KCNQ1: variants seen among roughly 807,000 people sequenced by gnomAD.
KCNQ1 encodes potassium voltage-gated channel subfamily KQT member 1.
Under a neutral mutation model 72.4 loss-of-function variants are expected in KCNQ1, and 49 were observed. The observed-to-expected ratio is 0.68, with a 90% CI of 0.54 to 0.86. The LOEUF (loss-of-function observed/expected upper bound fraction) is 0.86. Among genes scored for constraint, KCNQ1 ranks in the 40% least tolerant of loss-of-function variants. The pLI, the probability that KCNQ1 is intolerant of heterozygous loss-of-function variation, is 0.00. For synonymous variants in KCNQ1, 450 were observed against 412.6 expected, an observed-to-expected ratio of 1.09 and a Z score of -1.10; for missense variants, 790 against 945.1, an observed-to-expected ratio of 0.84 and a Z score of 2.15.
At position 2,715,412 on chromosome 11, in the gene KCNQ1, C is replaced by G. The variant is rs531142906; in HGVS notation, c.1514+53331C>G. Among the ~76,000 whole-genome samples, 55 of 152,220 alleles carry G rather than the reference C, an allele frequency of 3.6e-4. 1 individual carries two copies. In the South Asian group the frequency reaches 9.5e-3, roughly 26 times the overall value. On this transcript the variant is annotated intron_variant, in intron 11 of 15. Coordinates refer to ENST00000155840, the MANE Select transcript of KCNQ1 (RefSeq NM_000218.3). The surrounding 1 kb of genome is among the most constrained non-coding windows in gnomAD (Gnocchi z 4.9). The stretch of plus-strand genomic sequence containing the variant: ...GGGGGCTTTGCAGATTACCCAGACC[C>G]TTTGTTGGCCAGTGTGGGAATGGGG...
intron 11 of KCNQ1, among the ~76,000 whole-genome samples, chr11:2,701,395 C>T (rs1850811775): frequency 6.6e-6 from 1 of 152,180 alleles, no homozygotes; most frequent in Admixed American, 6.5e-5. Flanking sequence ...CCTGTCCCTT[C>T]GCACTGGCCC....
At chr11:2,702,107 C>T (rs1406252689) in intron 11 of KCNQ1, among the ~76,000 whole-genome samples, 1 of 152,230 alleles carries the variant, frequency 6.6e-6, no homozygotes, top group African/African-American at 2.4e-5. Flanking sequence ...GAATCCTCCC[C>T]TGATCACCCT....
intron 1 of KCNQ1, among the ~76,000 whole-genome samples, chr11:2,513,654 G>A (rs989810297): frequency 1.3e-5 from 2 of 152,190 alleles, no homozygotes; most frequent in Non-Finnish European, 2.9e-5. Flanking sequence ...GAGCCTGGGG[G>A]TGTCCCAGCC....
At chr11:2,843,140 C>A (rs947584780) in intron 15 of KCNQ1, among the ~76,000 whole-genome samples, 1 of 152,200 alleles carries the variant, frequency 6.6e-6, no homozygotes, top group African/African-American at 2.4e-5. Flanking sequence ...CAAGGCCTGG[C>A]GGTAAAACCT....
chr11:2,455,355 C>T (rs909490357), intron 1 of KCNQ1, among the ~76,000 whole-genome samples: 144 of 152,218 alleles, frequency 9.5e-4, no homozygotes, highest in Non-Finnish European at 5.6e-4. Flanking sequence ...GCCTTGGCCT[C>T]CCAAAGTGCT....
rs145419645 is a variant in KCNQ1, at chr11:2,602,070, A to C, written c.1393+13216A>C. On this transcript the variant is annotated intron_variant, in intron 10 of 15. Coordinates refer to ENST00000155840, the MANE Select transcript of KCNQ1 (RefSeq NM_000218.3). This position sits in a 1 kb window ranked among gnomAD's most constrained non-coding sequence, Gnocchi z 4.8. ...GGCAGAAGAATGACTACAGAAGAGA[A>C]AAAGGGTTACGTGGCCACGGAAGCA... 2.0e-4 allele frequency among the ~76,000 whole-genome samples: 30 copies of C among 152,324 alleles called. No homozygotes were observed. Among genetic ancestry groups the C allele is most frequent in the African/African-American group, 7.2e-4 (30 of 41,576 alleles).
chr11:2,707,978 G>A (rs1212609077), intron 11 of KCNQ1, among the ~76,000 whole-genome samples: 1 of 152,198 alleles, frequency 6.6e-6, no homozygotes, highest in African/African-American at 2.4e-5. Flanking sequence ...TGTGTGGCCG[G>A]GTGAATGTGC....
chr11:2,462,583 C>T lies in KCNQ1; in HGVS notation c.386+17099C>T, dbSNP rs1345376140. Among the ~76,000 whole-genome samples the T allele has an allele frequency of 6.6e-6, 1 of 152,222 alleles. No homozygotes were observed. The highest frequency in any genetic ancestry group is 1.5e-5 in the Non-Finnish European group (1 of 68,024). The stretch of plus-strand genomic sequence containing the variant: ...ACTGAGTGGCAGGGACGTGCTCCCA[C>T]ACCCCCATGCGCCATCCTGCAGGTG... On this transcript the variant is annotated intron_variant, in intron 1 of 15. Coordinates refer to ENST00000155840, the MANE Select transcript of KCNQ1 (RefSeq NM_000218.3). The surrounding 1 kb of genome is among the most constrained non-coding windows in gnomAD (Gnocchi z 8.2).
rs997495389 is a variant in KCNQ1, at chr11:2,451,717, C to T, written c.386+6233C>T. The stretch of plus-strand genomic sequence containing the variant: ...GCTGGGGAGCTGACTCCAGGACAGG[C>T]CCCTGCCCGCTCTGGGACCTGGGGC... On this transcript the variant is annotated intron_variant, in intron 1 of 15. Coordinates refer to ENST00000155840, the MANE Select transcript of KCNQ1 (RefSeq NM_000218.3). The surrounding 1 kb of genome is among the most constrained non-coding windows in gnomAD (Gnocchi z 6.4). Among the ~76,000 whole-genome samples the T allele has an allele frequency of 3.9e-5, 6 of 152,306 alleles. No homozygotes were observed. In the East Asian group the frequency reaches 7.7e-4, roughly 20 times the overall value.
At position 2,566,261 on chromosome 11, in the gene KCNQ1, A is replaced by G. The variant is rs529526201; in HGVS notation, c.478-4367A>G. On this transcript the variant is annotated intron_variant, in intron 2 of 15. Transcript: ENST00000155840. This position sits in a 1 kb window ranked among gnomAD's most constrained non-coding sequence, Gnocchi z 6.7. Reference sequence around the variant, plus strand: ...CCACTCATCTGGCAGTAACAGGGCCACTTCCAGAACCACCACCATGCCCAG... The same window carrying G: ...CCACTCATCTGGCAGTAACAGGGCCGCTTCCAGAACCACCACCATGCCCAG... 7.5e-4 allele frequency among the ~76,000 whole-genome samples: 114 copies of G among 152,292 alleles called. 1 individual carries two copies. In the South Asian group the frequency reaches 9.3e-3, roughly 12 times the overall value.
rs7946012 is a variant in KCNQ1, at chr11:2,571,301, C to T, written c.605-24C>T. ...CCCTGGCTGTGGCGATCACGAAAAG[C>T]TCCCCCTCTCCTGCACTCCACAGAC... On this transcript the variant is annotated intron_variant, in intron 3 of 15. Coordinates refer to ENST00000155840, the MANE Select transcript of KCNQ1 (RefSeq NM_000218.3). 12,694 of 1,601,774 alleles carry T rather than the reference C, an allele frequency of 7.9e-3. 829 individuals carry two copies. In the African/African-American group the frequency reaches 0.15, roughly 19 times the overall value.
rs1043592719 is a variant in KCNQ1 at position 2,762,236 on chromosome 11, T to C, written c.1515-6608T>C. Among the ~76,000 whole-genome samples the C allele has an allele frequency of 2.6e-5, 4 of 152,172 alleles. No homozygotes were observed. The highest frequency in any genetic ancestry group is 7.2e-5 in the African/African-American group (3 of 41,436). Reference sequence around the variant, plus strand: ...ATCTTGGGGCCTCCAATTTGTCAAATAGTTTTCTGTTACAGTTCATACTGT... The same window carrying C: ...ATCTTGGGGCCTCCAATTTGTCAAACAGTTTTCTGTTACAGTTCATACTGT... On this transcript the variant is annotated intron_variant, in intron 11 of 15. Transcript: ENST00000155840. The surrounding 1 kb of genome is among the most constrained non-coding windows in gnomAD (Gnocchi z 4.3).
intron 6 of KCNQ1, among the ~76,000 whole-genome samples, chr11:2,578,267 G>A (rs149488430): frequency 2.6e-5 from 4 of 152,268 alleles, no homozygotes; most frequent in Non-Finnish European, 5.9e-5. Flanking sequence ...GAGGCCAGAC[G>A]GACAGGGTGA....
rs549309014 is a variant in KCNQ1, at chr11:2,647,769, A to G, written c.1394-14192A>G. The G allele has an allele frequency of 4.8e-4, 191 of 398,220 alleles. No homozygotes were observed. Among genetic ancestry groups the G allele is most frequent in the African/African-American group, 3.8e-3 (184 of 48,612 alleles). 24.7% of individuals were successfully genotyped at this position (398,220 alleles called of 1,614,324 possible). A position where few individuals can be genotyped will look rare whatever the true frequency, so the allele number is the denominator to read the frequency against. ...TTATCTCTTTCCTCTAGGTTTTCTA[A>G]TTGTTGACATATAGTTGTTCATAAT... On this transcript the variant is annotated intron_variant, in intron 10 of 15. Coordinates refer to ENST00000155840, the MANE Select transcript of KCNQ1 (RefSeq NM_000218.3). The surrounding 1 kb of genome is among the most constrained non-coding windows in gnomAD (Gnocchi z 4.0).
At position 2,759,777 on chromosome 11, in the gene KCNQ1, G is replaced by A. The variant is rs1422334082; in HGVS notation, c.1515-9067G>A. On this transcript the variant is annotated intron_variant, in intron 11 of 15. Coordinates refer to ENST00000155840, the MANE Select transcript of KCNQ1 (RefSeq NM_000218.3). The surrounding 1 kb of genome is among the most constrained non-coding windows in gnomAD (Gnocchi z 4.4). ...CTGGGGGAGAGGGGACAGAGGTCCT[G>A]GGAGGGGCTGAAGGCTCAGGGACAC... Among the ~76,000 whole-genome samples, 4 of 152,134 alleles carry A rather than the reference G, an allele frequency of 2.6e-5. No homozygotes were observed. The highest frequency in any genetic ancestry group is 5.9e-5 in the Non-Finnish European group (4 of 68,002).
Position 2,478,957 on chromosome 11 carries a change from A to T in KCNQ1, c.386+33473A>T, listed in dbSNP as rs192737881. The stretch of plus-strand genomic sequence containing the variant: ...AAATGGGAGTAATTGGCCAAAACGA[A>T]GGGGCTAAAGGCCCCATGCAAGTTC... On this transcript the variant is annotated intron_variant, in intron 1 of 15. Coordinates refer to ENST00000155840, the MANE Select transcript of KCNQ1 (RefSeq NM_000218.3). This position sits in a 1 kb window ranked among gnomAD's most constrained non-coding sequence, Gnocchi z 4.0. 2.0e-3 allele frequency among the ~76,000 whole-genome samples: 306 copies of T among 152,350 alleles called. 1 individual carries two copies. Among genetic ancestry groups the T allele is most frequent in the Non-Finnish European group, 3.2e-3 (220 of 68,028 alleles).
rs1847869840 is a variant in KCNQ1 at position 2,544,280 on chromosome 11, GTGTATATATATA to G, written c.477+16272_477+16283del. ...TATATGTGTGTGTGTGTATATATAT[GTGTATATATATA>G]TGTATATATGTGTATATATGTATAT... is the stretch of plus-strand genomic sequence containing the variant. On this transcript the variant is annotated intron_variant, in intron 2 of 15. Transcript: ENST00000155840. This position sits in a 1 kb window ranked among gnomAD's most constrained non-coding sequence, Gnocchi z 4.4. 1.3e-5 allele frequency among the ~76,000 whole-genome samples: 1 copy of G among 78,302 alleles called. No homozygotes were observed. Among genetic ancestry groups the G allele is most frequent in the Admixed American group, 1.1e-4 (1 of 8,934 alleles). The allele number at this position is 78,302 out of a possible 152,430, so 51.4% of individuals were successfully genotyped here. A position where few individuals can be genotyped will look rare whatever the true frequency, so the allele number is the denominator to read the frequency against.
In KCNQ1 at chr11:2,468,899, A is replaced by G. The variant is rs1009878186; in HGVS notation, c.386+23415A>G. 6.6e-6 allele frequency among the ~76,000 whole-genome samples: 1 copy of G among 152,218 alleles called. No individual in the cohort carries two copies. The highest frequency in any genetic ancestry group is 2.4e-5 in the African/African-American group (1 of 41,456). Reference sequence around the variant, plus strand: ...CAAATGCTTTTGCTTCTCTTGTGCAAGCAAGTGGTTGAACTGCTCTGCAGC... The same window carrying G: ...CAAATGCTTTTGCTTCTCTTGTGCAGGCAAGTGGTTGAACTGCTCTGCAGC... On this transcript the variant is annotated intron_variant, in intron 1 of 15. Coordinates refer to ENST00000155840, the MANE Select transcript of KCNQ1 (RefSeq NM_000218.3). The surrounding 1 kb of genome is among the most constrained non-coding windows in gnomAD (Gnocchi z 5.7).
At position 2,613,929 on chromosome 11, in the gene KCNQ1, G is replaced by T; in HGVS notation, c.1393+25075G>T. On this transcript the variant is annotated intron_variant, in intron 10 of 15. Coordinates refer to ENST00000155840, the MANE Select transcript of KCNQ1 (RefSeq NM_000218.3). The surrounding 1 kb of genome is among the most constrained non-coding windows in gnomAD (Gnocchi z 4.8). Reference sequence around the variant, plus strand: ...AGTACTATTCTGTATATGCCCTTTTGAACTTTGCTTTTCTCACCTAACAAC... The same window carrying T: ...AGTACTATTCTGTATATGCCCTTTTTAACTTTGCTTTTCTCACCTAACAAC... 2.5e-6 allele frequency: 1 copy of T among 398,444 alleles called. No individual in the cohort carries two copies. The highest frequency in any genetic ancestry group is 1.3e-4 in the South Asian group (1 of 7,832). The allele number at this position is 398,444 out of a possible 1,614,324, so 24.7% of individuals were successfully genotyped here. A position where few individuals can be genotyped will look rare whatever the true frequency, so the allele number is the denominator to read the frequency against.
Sources: allele counts gnomAD v4.1 joint callset (sites outside exome capture counted in the v4.1 genomes callset), GRCh38; gene constraint gnomAD v4.1.1; non-coding constraint Gnocchi (gnomAD v3.1); transcripts MANE v1.5; gene names NCBI Gene and HGNC (gene_info 2026-07-23, HGNC 2026-07-21).